The following TNFAIP8L3 variants were observed in gnomAD, a reference collection of about 807,000 sequenced individuals.
The protein encoded by TNFAIP8L3 is tumor necrosis factor alpha-induced protein 8-like protein 3.
A neutral mutation model predicts 11.8 loss-of-function variants in TNFAIP8L3; 7 were observed. That is an observed-to-expected ratio of 0.59 (90% CI 0.34 to 1.11). The LOEUF (loss-of-function observed/expected upper bound fraction) is 1.11. Ranked by LOEUF, TNFAIP8L3 falls within the 50% of genes most tolerant of loss-of-function variation. The probability of loss-of-function intolerance (pLI) is 0.03; values close to 1 mark genes in which losing one functional copy is unlikely to be tolerated. For missense variants in TNFAIP8L3, 219 were observed against 258.6 expected, an observed-to-expected ratio of 0.85 and a Z score of 1.05; for synonymous variants, 98 against 103.8, an observed-to-expected ratio of 0.94 and a Z score of 0.34.
At chr15:51,098,323 GA>G (rs1482260984), upstream of TNFAIP8L3, among the ~76,000 whole-genome samples, 4 of 152,174 alleles carry the variant, frequency 2.6e-5, no homozygotes, top group Admixed American at 1.3e-4. Flanking sequence ...GCTCTGCTTT[GA>G]AAACCCACCA....
At chr15:51,101,837 T>G (rs2065553745) in intron 1 of TNFAIP8L3, among the ~76,000 whole-genome samples, 1 of 148,348 alleles carries the variant, frequency 6.7e-6, no homozygotes, top group South Asian at 2.1e-4. Context: ...TCCCAGCTAC[T>G]CGGGAGGCTG....
chr15:51,072,605 C>G (rs1567289927), intron 1 of TNFAIP8L3, among the ~76,000 whole-genome samples: 1 of 152,132 alleles, frequency 6.6e-6, no homozygotes. Flanking sequence ...GGTCTTTAAT[C>G]AATCTGAAAA....
intron 1 of TNFAIP8L3, among the ~76,000 whole-genome samples, chr15:51,085,596 C>A (rs1485387962): frequency 6.6e-6 from 1 of 150,564 alleles, no homozygotes; most frequent in Admixed American, 6.6e-5. Flanking sequence ...CTTTTGATAT[C>A]TCAATACCTG....
rs773639782 is a variant in TNFAIP8L3 at position 51,058,413 on chromosome 15, G to A, written c.83C>T (p.Ala28Val). 1.4e-4 allele frequency: 226 copies of A among 1,603,354 alleles called. No individual in the cohort carries two copies. The highest frequency in any genetic ancestry group is 1.8e-4 in the Non-Finnish European group (216 of 1,176,546). The change falls in exon 2 of 2, where the codon GCG (alanine) becomes GTG (valine). Residue 28 changes from alanine to valine, a missense_variant. Transcript: ENST00000637513. ...GPDVFSSKSL[A>V]LQAQKKILSK... ...CAGAATCTTCTTCTGGGCTTGAAGCGCAAGACTCTTTGAACTAAAAACATC... is the reference window on the plus strand; with the variant it reads ...CAGAATCTTCTTCTGGGCTTGAAGCACAAGACTCTTTGAACTAAAAACATC...
At chr15:51,096,460 A>C (rs2065514166), upstream of TNFAIP8L3, among the ~76,000 whole-genome samples, 1 of 152,200 alleles carries the variant, frequency 6.6e-6, no homozygotes, top group African/African-American at 2.4e-5. Flanking sequence ...AAATAAATGA[A>C]ATAATGAGTA....
intron 1 of TNFAIP8L3, among the ~76,000 whole-genome samples, chr15:51,101,840 G>A (rs1179098628): frequency 6.6e-6 from 1 of 150,844 alleles, no homozygotes; most frequent in Non-Finnish European, 1.5e-5. Context: ...CAGCTACTCG[G>A]GAGGCTGAGG....
In TNFAIP8L3 at chr15:51,094,509, G is replaced by A; in HGVS notation, c.52+35C>T. 1 of 1,456,370 alleles carries A rather than the reference G, an allele frequency of 6.9e-7. No individual in the cohort carries two copies. 90.2% of individuals were successfully genotyped at this position (1,456,370 alleles called of 1,614,324 possible). On this transcript the variant is annotated intron_variant, in intron 1 of 1. Coordinates refer to ENST00000637513, the MANE Select transcript of TNFAIP8L3 (RefSeq NM_001311175.2). The surrounding 1 kb of genome is among the most constrained non-coding windows in gnomAD (Gnocchi z 4.4). Reference sequence around the variant, plus strand: ...CAGCCTCCCGTCCTCCCCAGCCCCAGCCCACCCGCCTGGGCCGTCGCGGCC... The same window carrying A: ...CAGCCTCCCGTCCTCCCCAGCCCCAACCCACCCGCCTGGGCCGTCGCGGCC...
Position 51,074,315 on chromosome 15 carries a change from A to G in TNFAIP8L3, c.53-15872T>C, listed in dbSNP as rs577152794. On this transcript the variant is annotated intron_variant, in intron 1 of 1. Coordinates refer to ENST00000637513, the MANE Select transcript of TNFAIP8L3 (RefSeq NM_001311175.2). ...ATCTTTCCATGACAACAAATGTACT[A>G]CATCATTGTTTTTTGACAATAGCAC... Among the ~76,000 whole-genome samples, 5 of 152,374 alleles carry G rather than the reference A, an allele frequency of 3.3e-5. No individual in the cohort carries two copies. In the South Asian group the frequency reaches 8.3e-4, roughly 25 times the overall value.
At chr15:51,078,326 G>A (rs1373982885) in intron 1 of TNFAIP8L3, among the ~76,000 whole-genome samples, 1 of 151,436 alleles carries the variant, frequency 6.6e-6, no homozygotes, top group Non-Finnish European at 1.5e-5. Flanking sequence ...GGCTGTTTCC[G>A]GGGGGCAGAT....
chr15:51,097,960 C>G (rs571747901), upstream of TNFAIP8L3, among the ~76,000 whole-genome samples: 1 of 152,242 alleles, frequency 6.6e-6, no homozygotes, highest in South Asian at 2.1e-4. Context: ...AATCTAGAGT[C>G]TGAGGGTTAT....
intron 1 of TNFAIP8L3, among the ~76,000 whole-genome samples, 200 bp from the exon 2 acceptor site, chr15:51,058,643 T>C (rs1441716051): frequency 6.6e-6 from 1 of 152,198 alleles, no homozygotes; most frequent in Non-Finnish European, 1.5e-5. Context: ...TGTTTACCCT[T>C]TTTAATCCTC....
At chr15:51,097,791 C>A (rs1342153181), upstream of TNFAIP8L3, among the ~76,000 whole-genome samples, 4 of 151,964 alleles carry the variant, frequency 2.6e-5, no homozygotes, top group African/African-American at 9.7e-5. Flanking sequence ...ATCAACCCCA[C>A]TAAAACAGTG....
Position 51,057,628 on chromosome 15 carries a change from C to G in TNFAIP8L3, c.*253G>C, listed in dbSNP as rs1048954019. ...GCACTCACTGTAATGAACAAAACAG[C>G]CTTTCTGCTTAGAATAGATGAAATG... On this transcript the variant is annotated 3_prime_UTR_variant, in exon 2 of 2. Coordinates refer to ENST00000637513, the MANE Select transcript of TNFAIP8L3 (RefSeq NM_001311175.2). The G allele has an allele frequency of 2.5e-5, 10 of 400,800 alleles. No individual in the cohort carries two copies. The highest frequency in any genetic ancestry group is 4.2e-5 in the Admixed American group (1 of 23,788). The allele number at this position is 400,800 out of a possible 1,614,324, so 24.8% of individuals were successfully genotyped here.
At chr15:51,061,104 C>A (rs907439234) in intron 1 of TNFAIP8L3, among the ~76,000 whole-genome samples, 1 of 152,182 alleles carries the variant, frequency 6.6e-6, no homozygotes, top group Non-Finnish European at 1.5e-5. Context: ...CCACTTCACT[C>A]TGGCCTGATC....
intron 1 of TNFAIP8L3, chr15:51,064,577 G>C (rs571830436): frequency 1.3e-5 from 2 of 152,248 alleles, no homozygotes; most frequent in African/African-American, 4.8e-5. Context: ...TCAAGACACT[G>C]GTCAACAGAA....
At chr15:51,066,479 T>C (rs1232467476) in intron 1 of TNFAIP8L3, among the ~76,000 whole-genome samples, 5 of 152,190 alleles carry the variant, frequency 3.3e-5, no homozygotes, top group Admixed American at 2.0e-4. Context: ...TGAACTTTCA[T>C]GATGAGCAAC....
intron 1 of TNFAIP8L3, among the ~76,000 whole-genome samples, chr15:51,068,250 G>T (rs918588441): frequency 3.3e-5 from 5 of 152,046 alleles, no homozygotes; most frequent in African/African-American, 1.2e-4. Flanking sequence ...AGGGTGAAAG[G>T]ATATAGAGGT....
At chr15:51,089,591 C>T (rs1015010768) in intron 1 of TNFAIP8L3, among the ~76,000 whole-genome samples, 1 of 152,280 alleles carries the variant, frequency 6.6e-6, no homozygotes, top group African/African-American at 2.4e-5. Flanking sequence ...AACACAGAGT[C>T]CCAGACAGTA....
At chr15:51,071,038 G>A (rs1161803158) in intron 1 of TNFAIP8L3, among the ~76,000 whole-genome samples, 34 of 106,276 alleles carry the variant, frequency 3.2e-4, no homozygotes, top group African/African-American at 1.2e-3. Context: ...GCGACAGAGC[G>A]AGACTCCGTC....
Sources: gnomAD v4.1 joint callset for allele counts (sites outside exome capture counted in the v4.1 genomes callset) on GRCh38, gnomAD v4.1.1 for gene constraint, Gnocchi (gnomAD v3.1) non-coding constraint, MANE v1.5 for transcripts, NCBI Gene and HGNC (gene_info 2026-07-23, HGNC 2026-07-21) for gene names.